Variants in DNAH10 observed in about 807,000 individuals in gnomAD.
DNAH10 encodes dynein axonemal heavy chain 10.
Under a neutral mutation model 506.6 loss-of-function variants are expected in DNAH10, and 348 were observed. The ratio of observed to expected loss-of-function variants is 0.69; its 90% confidence interval spans 0.63 to 0.75. DNAH10 has a LOEUF of 0.75. Among genes scored for constraint, DNAH10 ranks in the 30% least tolerant of loss-of-function variants. DNAH10 has a pLI of 0.00. For synonymous variants in DNAH10, 2,059 were observed against 2,198.6 expected (o/e 0.94, Z 1.78); for missense variants, 5,179 against 5,787.1 (o/e 0.89, Z 3.41).
rs1477502642 is a variant in DNAH10 at position 123,826,706 on chromosome 12, C to T, written c.4199C>T (p.Ser1400Phe). The change falls in exon 25 of 79, where the codon TCT becomes TTT. Residue 1400 changes from serine (S) to phenylalanine (F), a missense_variant. Ser to Phe is a radical substitution (Grantham distance 155). Around this residue, in one of 3 missense-constraint regions of DNAH10, gnomAD observed 4,844 missense variants for 5,430.5 expected, o/e 0.89. Transcript: ENST00000673944. ...EGLKVAKEEW[S>F]QTLWINLNVQ... is the part of the protein sequence containing the mutation. The stretch of plus-strand genomic sequence containing the variant: ...TTCCAGGTTGCAAAAGAAGAATGGT[C>T]TCAGACCCTTTGGATCAACCTGAAT... 5.0e-6 allele frequency: 8 copies of T among 1,613,574 alleles called. No individual in the cohort carries two copies. The highest frequency in any genetic ancestry group is 6.8e-6 in the Non-Finnish European group (8 of 1,179,722).
rs1462452299 is a variant in DNAH10, at chr12:123,819,202, C to T, written c.3952C>T (p.Arg1318Cys). ...AGTTCAGATAGAGGAGTTTGCAAAG[C>T]GTTTTTACAGTGAAGGCCCTGGTTC... The part of the protein sequence containing the change: ...YRVQIEEFAK[R>C]FYSEGPGSVG... The change falls in exon 23 of 79, where the codon CGT becomes TGT. Residue 1318 changes from arginine (R) to cysteine (C), a missense_variant. By Grantham distance (180) the Arg-to-Cys change is radical. Transcript: ENST00000673944. 9 of 1,613,346 alleles carry T rather than the reference C, an allele frequency of 5.6e-6. No homozygotes were observed. The South Asian group carries it at 6.6e-5, about 12-fold the overall frequency.
chr12:123,899,470 G>A (rs954573807), intron 56 of DNAH10, among the ~76,000 whole-genome samples: 10 of 152,072 alleles, frequency 6.6e-5, no homozygotes, highest in African/African-American at 1.9e-4. Flanking sequence ...GTCCGTGTTC[G>A]TGTTGCTGCT....
intron 14 of DNAH10, among the ~76,000 whole-genome samples, chr12:123,799,838 T>A (rs1013016260): frequency 1.3e-5 from 2 of 152,068 alleles, no homozygotes; most frequent in Non-Finnish European, 2.9e-5. Context: ...CCTGGCAGTT[T>A]TAGGTCTTTG....
At chr12:123,790,266 A>G in intron 11 of DNAH10, 145 bp downstream of exon 11, 3 of 805,056 alleles carry the variant, frequency 3.7e-6, no homozygotes, top group South Asian at 3.7e-5. Flanking sequence ...AACAAAAACA[A>G]TGCAGAAGTG....
chr12:123,762,433 G>T lies in DNAH10; in HGVS notation c.97G>T (p.Asp33Tyr). Reference protein sequence around the residue: ...QLFEDLLNRDDGQGEDLILHF... With the variant: ...QLFEDLLNRDYGQGEDLILHF... The stretch of plus-strand genomic sequence containing the variant: ...TTTCGAGGACCTGCTCAACCGCGAC[G>T]ACGGCCAGGGCGAGGACCTCATCTT... The change falls in exon 1 of 79, where the codon GAC (aspartate) becomes TAC (tyrosine). Residue 33 changes from aspartate to tyrosine, a missense_variant. Asp to Tyr is a radical substitution (Grantham distance 160). Around this residue, in one of 3 missense-constraint regions of DNAH10, gnomAD observed 326 missense variants for 330.8 expected, o/e 0.99. Coordinates refer to ENST00000673944, the MANE Select transcript of DNAH10 (RefSeq NM_001372106.1). This position sits in a 1 kb window ranked among gnomAD's most constrained non-coding sequence, Gnocchi z 5.0. The T allele has an allele frequency of 7.0e-7, 1 of 1,433,568 alleles. No individual in the cohort carries two copies. Among genetic ancestry groups the T allele is most frequent in the Non-Finnish European group, 9.2e-7 (1 of 1,086,622 alleles). 88.8% of individuals were successfully genotyped at this position (1,433,568 alleles called of 1,614,324 possible).
At chr12:123,875,906 C>T (rs1016703521) in intron 47 of DNAH10, among the ~76,000 whole-genome samples, 1 of 152,122 alleles carries the variant, frequency 6.6e-6, no homozygotes, top group Non-Finnish European at 1.5e-5. Flanking sequence ...TCATGATGGT[C>T]CCCACCTCAC....
chr12:123,838,493 G>A lies in DNAH10; in HGVS notation c.4940G>A (p.Arg1647Lys), dbSNP rs1375587579. 6.8e-6 allele frequency: 11 copies of A among 1,614,008 alleles called. No individual in the cohort carries two copies. Among genetic ancestry groups the A allele is most frequent in the East Asian group, 6.7e-5 (3 of 44,882 alleles). Residue 1647 changes from arginine (R) to lysine (K), a missense_variant, in exon 29 of 79, where the codon AGG becomes AAG. By Grantham distance (26) the Arg-to-Lys change is conservative. Coordinates refer to ENST00000673944, the MANE Select transcript of DNAH10 (RefSeq NM_001372106.1). ...ACCTTAAAAGACCCCGTGATCAAGA[G>A]GTGCTGTGAAGCCCCAAACCGCCTC... The part of the protein sequence containing the change: ...GETLKDPVIK[R>K]CCEAPNRLSD...
At chr12:123,935,092 T>C in intron 78 of DNAH10, 1 of 600,140 alleles carries the variant, frequency 1.7e-6, no homozygotes, top group South Asian at 2.2e-5. Flanking sequence ...TTCCCGCTGG[T>C]GTGGACAGCA....
intron 51 of DNAH10, 158 bp downstream of exon 51, chr12:123,881,971 T>A (rs1952530848): frequency 1.5e-6 from 1 of 653,574 alleles, no homozygotes; most frequent in South Asian, 6.0e-5. Flanking sequence ...TTCTTGTTTT[T>A]GGCTTGATAT....
intron 21 of DNAH10, 70 bp downstream of exon 21, chr12:123,813,982 C>CGTTT: frequency 7.1e-7 from 1 of 1,414,488 alleles, no homozygotes; most frequent in Non-Finnish European, 9.4e-7. Flanking sequence ...TTCAGAAATG[C>CGTTT]TTCTCAAGTA....
chr12:123,864,623 G>GGAAAA lies in DNAH10; in HGVS notation c.6937_6938insGAAAA (p.Ala2313GlyfsTer9). 1 of 1,613,898 alleles carries GGAAAA rather than the reference G, an allele frequency of 6.2e-7. No homozygotes were observed. The highest frequency in any genetic ancestry group is 8.5e-7 in the Non-Finnish European group (1 of 1,179,852). On this transcript the variant is annotated frameshift_variant, in exon 40 of 79. Transcript: ENST00000673944. LOFTEE classifies it high-confidence loss of function. ...TATTTTATTTGATGGTGATGTGGAT[G>GGAAAA]CTCTATGGGTGGAAAACATGAATTC...
Position 123,899,846 on chromosome 12 carries a change from G to A in DNAH10, c.9640+1032G>A, listed in dbSNP as rs116615315. 3.4e-3 allele frequency among the ~76,000 whole-genome samples: 515 copies of A among 152,272 alleles called. 3 individuals are homozygous for A. Among genetic ancestry groups the A allele is most frequent in the African/African-American group, 0.012 (479 of 41,556 alleles). ...CCATATCTTCTTAAAACAATTTCAC[G>A]TTTTTCTTAACTCGACCATCATTAG... On this transcript the variant is annotated intron_variant, in intron 56 of 78. Transcript: ENST00000673944.
intron 1 of DNAH10, among the ~76,000 whole-genome samples, chr12:123,766,247 G>A (rs868190868): frequency 2.0e-5 from 3 of 151,408 alleles, no homozygotes; most frequent in Non-Finnish European, 2.9e-5. Flanking sequence ...ATCTCTGTCT[G>A]TCTAGGCATA....
In DNAH10 at chr12:123,871,437, G is replaced by A. The variant is rs1314906087; in HGVS notation, c.7640-20G>A. The A allele has an allele frequency of 5.1e-6, 8 of 1,583,018 alleles. No individual in the cohort carries two copies. The highest frequency in any genetic ancestry group is 6.0e-6 in the Non-Finnish European group (7 of 1,163,020). The stretch of plus-strand genomic sequence containing the variant: ...CTATTGGAGTTGCTGAGATGCCCCT[G>A]TTCCTAATGTCTACTTTAGTTCACA... On this transcript the variant is annotated intron_variant, in intron 44 of 78. Transcript: ENST00000673944.
At chr12:123,818,603 C>T (rs1409162574) in intron 21 of DNAH10, among the ~76,000 whole-genome samples, 1 of 152,160 alleles carries the variant, frequency 6.6e-6, no homozygotes, top group Non-Finnish European at 1.5e-5. Flanking sequence ...GGATTATAGG[C>T]GTGAGCCACT....
chr12:123,786,745 A>G (rs2136199174), intron 9 of DNAH10, among the ~76,000 whole-genome samples: 1 of 92,524 alleles, frequency 1.1e-5, no homozygotes, highest in East Asian at 5.9e-4. Flanking sequence ...TTGTACCTGG[A>G]GAGACTGAGG....
At chr12:123,810,672 G>A (rs559813146) in intron 19 of DNAH10, among the ~76,000 whole-genome samples, 2 of 151,780 alleles carry the variant, frequency 1.3e-5, no homozygotes, top group Non-Finnish European at 2.9e-5. Context: ...CAGCCTGGGC[G>A]ACAGGGTGAG....
chr12:123,886,829 T>C (rs1268319609), intron 51 of DNAH10, among the ~76,000 whole-genome samples: 1 of 152,214 alleles, frequency 6.6e-6, no homozygotes, highest in African/African-American at 2.4e-5. Flanking sequence ...TGTCACGAAG[T>C]TAAAGTGCCT....
chr12:123,833,725 G>A (rs1406237128), intron 27 of DNAH10, among the ~76,000 whole-genome samples: 1 of 152,074 alleles, frequency 6.6e-6, no homozygotes, highest in African/African-American at 2.4e-5. Flanking sequence ...TTAAAAAAAT[G>A]TCTGTTGACT....
Sources: gnomAD v4.1 joint callset for allele counts (sites outside exome capture counted in the v4.1 genomes callset) on GRCh38, gnomAD v4.1.1 for gene constraint, gnomAD v4.1.1 regional missense constraint, Gnocchi (gnomAD v3.1) non-coding constraint, MANE v1.5 for transcripts, NCBI Gene and HGNC (gene_info 2026-07-23, HGNC 2026-07-21) for gene names.